The following RBM20 variants were observed in gnomAD, a reference collection of about 807,000 sequenced individuals.
The protein encoded by RBM20 is RNA binding motif protein 20.
In RBM20, 51 loss-of-function variants were observed where a neutral mutation model predicts 110.1. The ratio of observed to expected loss-of-function variants is 0.46; its 90% CI spans 0.37 to 0.59. RBM20 has a LOEUF of 0.59. Among genes scored for constraint, RBM20 ranks in the 20% least tolerant of loss-of-function variants. The probability of loss-of-function intolerance (pLI) is 0.00; values close to 1 mark genes in which losing one functional copy is unlikely to be tolerated. For synonymous variants in RBM20, 589 were observed against 618.2 expected (o/e 0.95, Z 0.70); for missense variants, 1,512 against 1,574.9 (o/e 0.96, Z 0.68).
intron 1 of RBM20, among the ~76,000 whole-genome samples, chr10:110,747,295 T>TG (rs1264359449): frequency 4.4e-5 from 6 of 135,708 alleles, no homozygotes; most frequent in Non-Finnish European, 7.9e-5. Context: ...AACTCTTTTT[T>TG]TGGGGGGGGG....
At chr10:110,727,419 A>AAAAAATAAAAAAAAAAAATAAATAAAAT (rs377734576) in intron 1 of RBM20, among the ~76,000 whole-genome samples, 11 of 146,802 alleles carry the variant, frequency 7.5e-5, no homozygotes, top group African/African-American at 1.0e-4. Flanking sequence ...AAATAAAAAA[A>AAAAAATAAAAAAAAAAAATAAATAAAAT]AAATAAATAA....
At chr10:110,772,668 TAAC>T (rs1396217023) in intron 1 of RBM20, among the ~76,000 whole-genome samples, 2 of 152,228 alleles carry the variant, frequency 1.3e-5, no homozygotes, top group Non-Finnish European at 2.9e-5. Flanking sequence ...CAAAATTGCC[TAAC>T]AACACATTTC....
Position 110,797,948 on chromosome 10 carries a change from T to C in RBM20, c.1668+300T>C, listed in dbSNP as rs139308762. Among the ~76,000 whole-genome samples, 1,230 of 152,350 alleles carry C rather than the reference T, an allele frequency of 8.1e-3. 17 individuals carry two copies. Among genetic ancestry groups the C allele is most frequent in the African/African-American group, 0.028 (1,172 of 41,574 alleles). ...AATTGGCACCCAAAATAAAAATCTA[T>C]GGACTTGAATCTCTTCACTGTGTTG... On this transcript the variant is annotated intron_variant, in intron 6 of 13. Transcript: ENST00000369519.
chr10:110,649,442 A>G (rs1861916086), intron 1 of RBM20, among the ~76,000 whole-genome samples: 2 of 152,206 alleles, frequency 1.3e-5, no homozygotes, highest in Admixed American at 1.3e-4. Context: ...GGACTGAACT[A>G]AATATGGAAA....
chr10:110,744,181 G>A (rs533442690), intron 1 of RBM20, among the ~76,000 whole-genome samples: 10 of 152,298 alleles, frequency 6.6e-5, no homozygotes, highest in East Asian at 1.9e-4. Context: ...AAATGCAAGC[G>A]GAAGTATAAG....
chr10:110,680,149 G>A (rs1564813575), intron 1 of RBM20, among the ~76,000 whole-genome samples: 1 of 152,126 alleles, frequency 6.6e-6, no homozygotes, highest in Non-Finnish European at 1.5e-5. Flanking sequence ...GGCTGTCCTG[G>A]GGGAGAGCAA....
chr10:110,731,417 T>A (rs918247153), intron 1 of RBM20, among the ~76,000 whole-genome samples: 1 of 152,244 alleles, frequency 6.6e-6, no homozygotes, highest in African/African-American at 2.4e-5. Flanking sequence ...GTGTTTTGGA[T>A]TTCCACAAGT....
In RBM20 at chr10:110,692,699, T is replaced by C. The variant is rs565956709; in HGVS notation, c.191+48054T>C. Among the ~76,000 whole-genome samples the C allele has an allele frequency of 1.4e-4, 22 of 152,286 alleles. No homozygotes were observed. The South Asian group carries it at 4.6e-3, about 32-fold the overall frequency. On this transcript the variant is annotated intron_variant, in intron 1 of 13. Transcript: ENST00000369519. ...ATGTCATTTGCAAACAGAAATAGTT[T>C]GACTTCTTCCTTCTCAATTTGAATG...
At chr10:110,774,635 C>G (rs570087273) in intron 1 of RBM20, among the ~76,000 whole-genome samples, 40 of 152,044 alleles carry the variant, frequency 2.6e-4, no homozygotes, top group African/African-American at 8.9e-4. Context: ...AGGACGCCAA[C>G]TTCATTGGCT....
intron 1 of RBM20, among the ~76,000 whole-genome samples, chr10:110,772,284 A>T (rs1844203907): frequency 6.6e-6 from 1 of 152,326 alleles, no homozygotes; most frequent in South Asian, 2.1e-4. Flanking sequence ...ATCTTCAGGG[A>T]TATAGGTAAG....
intron 1 of RBM20, among the ~76,000 whole-genome samples, chr10:110,661,757 C>G (rs1018677625): frequency 6.6e-6 from 1 of 152,084 alleles, no homozygotes; most frequent in African/African-American, 2.4e-5. Context: ...CACCTGTAAT[C>G]CCAGCATTTT....
At chr10:110,668,628 G>A (rs1456427521) in intron 1 of RBM20, among the ~76,000 whole-genome samples, 4 of 152,036 alleles carry the variant, frequency 2.6e-5, no homozygotes, top group African/African-American at 9.7e-5. Context: ...CTGAACAAGT[G>A]TCGTTCCTGC....
At chr10:110,700,940 G>A (rs148732092) in intron 1 of RBM20, among the ~76,000 whole-genome samples, 2,290 of 152,218 alleles carry the variant, frequency 0.015, 77 homozygotes, top group East Asian at 0.082. Context: ...GCTTGAACCC[G>A]GGAGATGGAG....
intron 11 of RBM20, chr10:110,822,589 T>C: frequency 2.4e-6 from 1 of 416,842 alleles, no homozygotes; most frequent in South Asian, 1.8e-5. Flanking sequence ...CATCAGGGGG[T>C]TTGGGGGGAG....
chr10:110,658,379 T>A (rs1329186674), intron 1 of RBM20, among the ~76,000 whole-genome samples: 1 of 152,164 alleles, frequency 6.6e-6, no homozygotes, highest in East Asian at 1.9e-4. Flanking sequence ...GGGCACTTTG[T>A]TTCCTTCTAG....
chr10:110,783,435 C>A lies in RBM20; in HGVS notation c.1337+8C>A. On this transcript the variant is annotated splice_region_variant and intron_variant, in intron 3 of 13. Coordinates refer to ENST00000369519, the MANE Select transcript of RBM20 (RefSeq NM_001134363.3). The stretch of plus-strand genomic sequence containing the variant: ...CCTGGTCTTCTCTGAAAAGTAAGTG[C>A]TGTTCAGGAGGACAGGCTCATGCGT... The A allele has an allele frequency of 6.5e-7, 1 of 1,547,844 alleles. No homozygotes were observed. The highest frequency in any genetic ancestry group is 8.7e-7 in the Non-Finnish European group (1 of 1,143,790).
At chr10:110,826,119 T>C (rs1463006306) in intron 12 of RBM20, among the ~76,000 whole-genome samples, 2 of 152,234 alleles carry the variant, frequency 1.3e-5, no homozygotes, top group African/African-American at 2.4e-5. Context: ...TCCAAAAAGA[T>C]GGTATCAGTT....
intron 1 of RBM20, among the ~76,000 whole-genome samples, chr10:110,764,183 T>C (rs1018097401): frequency 6.6e-6 from 1 of 151,954 alleles, no homozygotes; most frequent in Non-Finnish European, 1.5e-5. Flanking sequence ...TTTGCTGGGG[T>C]TGTCTGATGT....
At chr10:110,833,971 C>A (rs1422739871) in intron 13 of RBM20, among the ~76,000 whole-genome samples, 2 of 152,234 alleles carry the variant, frequency 1.3e-5, no homozygotes, top group Non-Finnish European at 2.9e-5. Context: ...TTAAACTTAA[C>A]ACCACTGAGA....
Sources: gnomAD v4.1 joint callset for allele counts (sites outside exome capture counted in the v4.1 genomes callset) on GRCh38, gnomAD v4.1.1 for gene constraint, MANE v1.5 for transcripts, NCBI Gene and HGNC (gene_info 2026-07-23, HGNC 2026-07-21) for gene names.